Variants in RABL2A observed in about 807,000 individuals in gnomAD.
The protein encoded by RABL2A is rab-like protein 2A.
A neutral mutation model predicts 30.7 loss-of-function variants in RABL2A; 17 were observed. The ratio of observed to expected loss-of-function variants is 0.55; its 90% CI spans 0.38 to 0.83. The LOEUF (loss-of-function observed/expected upper bound fraction) is 0.83. RABL2A is among the 40% of genes least tolerant of loss of function. The pLI is 0.00. For synonymous variants in RABL2A, 64 were observed against 101.8 expected (o/e 0.63, Z 2.24); for missense variants, 155 against 272.6 (o/e 0.57, Z 3.04).
intron 3 of RABL2A, chr2:113,633,172 A>AT (rs1681098588): frequency 1.5e-6 from 1 of 663,820 alleles, no homozygotes; most frequent in African/African-American, 1.8e-5. Flanking sequence ...GGATTGTTTT[A>AT]TATTAAGAGG....
intron 5 of RABL2A, chr2:113,637,839 G>C: frequency 7.8e-7 from 1 of 1,279,530 alleles, no homozygotes; most frequent in Non-Finnish European, 1.0e-6. Context: ...ATCTCCGTGG[G>C]CTCCCCTCAG....
intron 5 of RABL2A, chr2:113,638,293 A>G (rs1683716651): frequency 1.0e-6 from 1 of 985,422 alleles, no homozygotes; most frequent in Non-Finnish European, 1.2e-6. Context: ...CCCTCCCGCC[A>G]CCACACAGGG....
chr2:113,630,897 G>GT (rs750400542), intron 2 of RABL2A, among the ~76,000 whole-genome samples: 84 of 151,210 alleles, frequency 5.6e-4, no homozygotes, highest in Non-Finnish European at 9.2e-4. Flanking sequence ...GTGTTTTTTT[G>GT]TTTTTTTGGT....
intron 2 of RABL2A, among the ~76,000 whole-genome samples, 159 bp downstream of exon 2, chr2:113,628,872 A>T (rs964081686): frequency 6.6e-6 from 1 of 151,970 alleles, no homozygotes; most frequent in African/African-American, 2.4e-5. Flanking sequence ...GAATCACATG[A>T]CCCGTTGTGT....
At chr2:113,630,983 C>T (rs560173896) in intron 2 of RABL2A, among the ~76,000 whole-genome samples, 145 of 152,166 alleles carry the variant, frequency 9.5e-4, no homozygotes, top group African/African-American at 3.3e-3. Flanking sequence ...CTGCAACCTC[C>T]GCCTCCCAGG....
chr2:113,639,707 T>C (rs1298959707), intron 5 of RABL2A, among the ~76,000 whole-genome samples: 1 of 151,792 alleles, frequency 6.6e-6, no homozygotes, highest in African/African-American at 2.4e-5. Flanking sequence ...AATAAAAAAA[T>C]TAGCCAGGCA....
Position 113,634,304 on chromosome 2 carries a change from A to G in RABL2A, c.217+72A>G, listed in dbSNP as rs1023636550. 9 of 1,556,878 alleles carry G rather than the reference A, an allele frequency of 5.8e-6. No individual in the cohort carries two copies. The African/African-American group carries it at 6.8e-5, about 12-fold the overall frequency. On this transcript the variant is annotated intron_variant, in intron 4 of 8. Transcript: ENST00000683472. ...ATGGGAGACGAGGGGAGGTGAGGCA[A>G]GGTTCATAAGGAGAGAGTCCAGAGG...
At chr2:113,629,826 C>T (rs1196905002) in intron 2 of RABL2A, among the ~76,000 whole-genome samples, 1 of 152,156 alleles carries the variant, frequency 6.6e-6, no homozygotes, top group East Asian at 1.9e-4. Flanking sequence ...GCATGAGCCA[C>T]CGCGCCCGGC....
intron 1 of RABL2A, among the ~76,000 whole-genome samples, chr2:113,627,614 G>C (rs1254016882): frequency 1.3e-5 from 2 of 152,236 alleles, no homozygotes; most frequent in Non-Finnish European, 2.9e-5. Context: ...TACCCACTTA[G>C]ATGGCGAGGA....
chr2:113,634,275 G>A (rs1310097869), intron 4 of RABL2A, 43 bp downstream of exon 4: 7 of 1,579,702 alleles, frequency 4.4e-6, no homozygotes, highest in Non-Finnish European at 6.0e-6. Flanking sequence ...TCAGGAAAGA[G>A]GAAATGGGAG....
chr2:113,634,496 G>A (rs921601316), intron 4 of RABL2A: 16 of 538,654 alleles, frequency 3.0e-5, no homozygotes, highest in Non-Finnish European at 4.7e-5. Flanking sequence ...AAGTCAGGGG[G>A]CTGTACCCAC....
rs1295673022 is a variant in RABL2A at position 113,627,585 on chromosome 2, C to T, written c.-54+185C>T. ...CCTGGACATGGTTGGTGGCCAAAAA[C>T]ATTTATCGAAAGATAGCATACCCAC... On this transcript the variant is annotated intron_variant, in intron 1 of 8. Transcript: ENST00000683472. Among the ~76,000 whole-genome samples the T allele has an allele frequency of 7.9e-5, 12 of 152,152 alleles. No homozygotes were observed. The East Asian group carries it at 2.3e-3, about 29-fold the overall frequency.
At chr2:113,633,801 T>C (rs1681383423) in intron 3 of RABL2A, 3 of 298,222 alleles carry the variant, frequency 1.0e-5, no homozygotes, top group Non-Finnish European at 2.0e-5. Context: ...GGGTTTCCTT[T>C]CTAGCCTGCG....
At chr2:113,628,871 G>A (rs1350736145) in intron 2 of RABL2A, among the ~76,000 whole-genome samples, 158 bp downstream of exon 2, 3 of 152,186 alleles carry the variant, frequency 2.0e-5, no homozygotes, top group Non-Finnish European at 4.4e-5. Flanking sequence ...GGAATCACAT[G>A]ACCCGTTGTG....
At chr2:113,640,012 A>T (rs1684534984) in intron 5 of RABL2A, 1 of 152,078 alleles carries the variant, frequency 6.6e-6, no homozygotes, top group Admixed American at 6.6e-5. Context: ...TAATAAAAAA[A>T]TAAAAATTAA....
chr2:113,629,256 G>A (rs1430191472), intron 2 of RABL2A, among the ~76,000 whole-genome samples: 21 of 152,170 alleles, frequency 1.4e-4, no homozygotes. Context: ...TAGTTCTCAC[G>A]CCTAGGACTG....
chr2:113,636,053 A>G (rs1682557041), intron 5 of RABL2A, among the ~76,000 whole-genome samples: 1 of 151,094 alleles, frequency 6.6e-6, no homozygotes, highest in African/African-American at 2.4e-5. Context: ...GGTTGCAGTG[A>G]GCCGAGATCA....
In RABL2A at chr2:113,634,883, C is replaced by T. The variant is rs1271737225; in HGVS notation, c.218-168C>T. 6 of 857,174 alleles carry T rather than the reference C, an allele frequency of 7.0e-6. 1 individual carries two copies. Among genetic ancestry groups the T allele is most frequent in the Non-Finnish European group, 1.1e-5 (6 of 528,920 alleles). The allele number at this position is 857,174 out of a possible 1,614,324, so 53.1% of individuals were successfully genotyped here. On this transcript the variant is annotated intron_variant, in intron 4 of 8. Coordinates refer to ENST00000683472, the MANE Select transcript of RABL2A (RefSeq NM_001306158.2). ...ACACCTCTCACATCACACTCAGGTG[C>T]ACTGTGTCTTGAAGACACACGTGTG...
chr2:113,633,316 T>C (rs1681158182), intron 3 of RABL2A: 2 of 328,704 alleles, frequency 6.1e-6, no homozygotes, highest in Admixed American at 4.4e-5. Flanking sequence ...CCCCCTACTA[T>C]TGAAAAAAAT....
Sources: allele counts gnomAD v4.1 joint callset (sites outside exome capture counted in the v4.1 genomes callset), GRCh38; gene constraint gnomAD v4.1.1; transcripts MANE v1.5; gene names NCBI Gene and HGNC (gene_info 2026-07-23, HGNC 2026-07-21).